Variants in ZFPM2 observed in about 807,000 individuals in gnomAD.
The protein encoded by ZFPM2 is zinc finger protein ZFPM2.
A neutral mutation model predicts 98.6 loss-of-function variants in ZFPM2; 20 were observed. The ratio of observed to expected loss-of-function variants is 0.20; its 90% CI spans 0.14 to 0.29. The LOEUF is 0.29. Among genes scored for constraint, ZFPM2 ranks in the 10% least tolerant of loss-of-function variants. The pLI, the probability that ZFPM2 is intolerant of heterozygous loss-of-function variation, is 1.00. For synonymous variants in ZFPM2, 518 were observed against 502.7 expected (o/e 1.03, Z -0.41); for missense variants, 1,310 against 1,388.6 (o/e 0.94, Z 0.90).
chr8:105,735,051 T>C (rs1812035641), intron 5 of ZFPM2, among the ~76,000 whole-genome samples: 2 of 148,820 alleles, frequency 1.3e-5, no homozygotes, highest in South Asian at 2.1e-4. Flanking sequence ...TTCCTTTTAA[T>C]GGCAAAAACC....
intron 3 of ZFPM2, among the ~76,000 whole-genome samples, chr8:105,465,523 AAGATT>A (rs2130322544): frequency 6.6e-6 from 1 of 152,050 alleles, no homozygotes; most frequent in African/African-American, 2.4e-5. Context: ...AACAAATACT[AAGATT>A]AGATTTATAG....
At chr8:105,798,093 T>TAATC (rs1251949988) in intron 6 of ZFPM2, 2 of 152,354 alleles carry the variant, frequency 1.3e-5, no homozygotes, top group South Asian at 4.1e-4. Flanking sequence ...CCTTACCTTT[T>TAATC]AATCAATCAG....
intron 5 of ZFPM2, among the ~76,000 whole-genome samples, chr8:105,743,582 C>T (rs1257426695): frequency 6.6e-6 from 1 of 151,932 alleles, no homozygotes; most frequent in Non-Finnish European, 1.5e-5. Context: ...GGGAGTCTCA[C>T]ATGAATCACC....
intron 1 of ZFPM2, among the ~76,000 whole-genome samples, chr8:105,405,143 TGG>T (rs1811415025): frequency 6.6e-6 from 1 of 152,032 alleles, no homozygotes; most frequent in Non-Finnish European, 1.5e-5. Flanking sequence ...AGTTTTCTAT[TGG>T]GGGATATGCC....
chr8:105,346,097 A>T (rs1252814120), intron 1 of ZFPM2, among the ~76,000 whole-genome samples: 1 of 152,156 alleles, frequency 6.6e-6, no homozygotes, highest in Non-Finnish European at 1.5e-5. Context: ...GGATAGATTT[A>T]GTTCTTGGGC....
intron 2 of ZFPM2, among the ~76,000 whole-genome samples, chr8:105,441,503 C>CGAAAAAAAGAAAGAAAGAAAG (rs1563660188): frequency 1.9e-5 from 1 of 53,346 alleles, no homozygotes; most frequent in African/African-American, 6.3e-5. Flanking sequence ...AGAAAGAAAT[C>CGAAAAAAAGAAAGAAAGAAAG]AAAGCCCAGG....
At chr8:105,582,523 C>G (rs1031953074) in intron 4 of ZFPM2, among the ~76,000 whole-genome samples, 8 of 152,082 alleles carry the variant, frequency 5.3e-5, no homozygotes, top group African/African-American at 1.9e-4. Flanking sequence ...CTTAATAGTG[C>G]CAATGTGGAG....
chr8:105,362,812 G>T (rs1489300772), intron 1 of ZFPM2, among the ~76,000 whole-genome samples: 6 of 152,104 alleles, frequency 3.9e-5, no homozygotes, highest in African/African-American at 9.7e-5. Context: ...TTGATTGCTA[G>T]AATTTTAGTG....
At chr8:105,710,040 A>G (rs550862046) in intron 5 of ZFPM2, among the ~76,000 whole-genome samples, 20 of 151,344 alleles carry the variant, frequency 1.3e-4, no homozygotes, top group Non-Finnish European at 2.1e-4. Context: ...ACAGAATTAC[A>G]TAGTTTCATC....
intron 1 of ZFPM2, among the ~76,000 whole-genome samples, chr8:105,325,270 C>T (rs1365285484): frequency 6.6e-6 from 1 of 151,802 alleles, no homozygotes; most frequent in African/African-American, 2.4e-5. Flanking sequence ...AACTGAAATG[C>T]AATTAAATTA....
At chr8:105,441,804 T>G (rs1259594437) in intron 2 of ZFPM2, among the ~76,000 whole-genome samples, 5 of 152,216 alleles carry the variant, frequency 3.3e-5, no homozygotes, top group South Asian at 4.1e-4. Flanking sequence ...CTCACCAGGC[T>G]TTCATCACAT....
chr8:105,738,053 G>A (rs1243000328), intron 5 of ZFPM2, among the ~76,000 whole-genome samples: 1 of 151,894 alleles, frequency 6.6e-6, no homozygotes, highest in Non-Finnish European at 1.5e-5. Context: ...AGGGGTACAT[G>A]TGCAGGTTTG....
chr8:105,401,512 G>A (rs969963768), intron 1 of ZFPM2, among the ~76,000 whole-genome samples: 1 of 152,054 alleles, frequency 6.6e-6, no homozygotes, highest in Non-Finnish European at 1.5e-5. Flanking sequence ...GGGCCATCCT[G>A]CTTTGAGGCA....
At chr8:105,545,398 T>A (rs1337998985) in intron 3 of ZFPM2, among the ~76,000 whole-genome samples, 1 of 152,162 alleles carries the variant, frequency 6.6e-6, no homozygotes, top group Non-Finnish European at 1.5e-5. Context: ...TTGCTCTTCC[T>A]TAATCTTTAT....
intron 1 of ZFPM2, among the ~76,000 whole-genome samples, chr8:105,413,421 T>A (rs1322292588): frequency 2.6e-5 from 4 of 150,996 alleles, no homozygotes; most frequent in Non-Finnish European, 5.9e-5. Flanking sequence ...TTTATATGTA[T>A]ATTTTGAAAG....
At chr8:105,339,085 C>G (rs894124682) in intron 1 of ZFPM2, among the ~76,000 whole-genome samples, 3 of 151,718 alleles carry the variant, frequency 2.0e-5, no homozygotes, top group African/African-American at 7.3e-5. Context: ...GGATAAAAAT[C>G]TATGTTTTCA....
intron 5 of ZFPM2, among the ~76,000 whole-genome samples, chr8:105,651,485 C>A (rs978778204): frequency 6.6e-6 from 1 of 151,464 alleles, no homozygotes; most frequent in African/African-American, 2.4e-5. Flanking sequence ...AAAAAAATCC[C>A]ACCTGTCCCT....
At chr8:105,793,432 G>C (rs949283623) in intron 6 of ZFPM2, among the ~76,000 whole-genome samples, 91 of 152,288 alleles carry the variant, frequency 6.0e-4, no homozygotes, top group African/African-American at 2.1e-3. Flanking sequence ...CTTCTGGCTT[G>C]TAGAGTTTCT....
chr8:105,338,150 A>G (rs1812361428), intron 1 of ZFPM2, among the ~76,000 whole-genome samples: 2 of 151,848 alleles, frequency 1.3e-5, no homozygotes, highest in Admixed American at 6.6e-5. Context: ...TTATTACAAA[A>G]CATTAGGTTT....
Sources: gnomAD v4.1 joint callset for allele counts (sites outside exome capture counted in the v4.1 genomes callset) on GRCh38, gnomAD v4.1.1 for gene constraint, MANE v1.5 for transcripts, NCBI Gene and HGNC (gene_info 2026-07-23, HGNC 2026-07-21) for gene names.